The following EPHA7 variants were observed in gnomAD, a reference collection of about 807,000 sequenced individuals.
EPHA7 encodes ephrin type-A receptor 7.
Under a neutral mutation model 112.6 loss-of-function variants are expected in EPHA7, and 25 were observed. The ratio of observed to expected loss-of-function variants is 0.22; its 90% CI spans 0.16 to 0.31. The LOEUF is 0.31. EPHA7 is among the 10% of genes least tolerant of loss of function. The pLI is 1.00. For missense variants in EPHA7, 962 were observed against 1,212.6 expected, an observed-to-expected ratio of 0.79 and a Z score of 3.07; for synonymous variants, 437 against 406.5, an observed-to-expected ratio of 1.07 and a Z score of -0.90.
intron 5 of EPHA7, among the ~76,000 whole-genome samples, chr6:93,282,300 C>T (rs1771783469): frequency 1.3e-5 from 2 of 152,218 alleles, no homozygotes; most frequent in African/African-American, 4.8e-5. Flanking sequence ...ATAAAACTTC[C>T]ATTACGGAAC....
At chr6:93,343,127 TATACTTTTTAA>T (rs1273736368) in intron 5 of EPHA7, among the ~76,000 whole-genome samples, 1 of 151,712 alleles carries the variant, frequency 6.6e-6, no homozygotes, top group Non-Finnish European at 1.5e-5. Flanking sequence ...TCCAAAACTT[TATACTTTTTAA>T]TTTAAACTTG....
intron 7 of EPHA7, 113 bp from the exon 8 acceptor site, chr6:93,264,815 G>T: frequency 4.1e-6 from 2 of 482,458 alleles, no homozygotes; most frequent in African/African-American, 2.0e-5. Flanking sequence ...TTAAATAACT[G>T]CATTATATTG....
intron 7 of EPHA7, 68 bp downstream of exon 7, chr6:93,269,409 T>G: frequency 7.4e-7 from 1 of 1,348,148 alleles, no homozygotes; most frequent in Admixed American, 2.3e-5. Context: ...ATCACCTCAA[T>G]ATTGAAAAAA....
intron 3 of EPHA7, among the ~76,000 whole-genome samples, chr6:93,365,961 G>A (rs923309351): frequency 6.6e-6 from 1 of 152,046 alleles, no homozygotes; most frequent in Non-Finnish European, 1.5e-5. Flanking sequence ...GCTTTAAAAA[G>A]TTTCGTTTCT....
At position 93,241,641 on chromosome 6, in the gene EPHA7, G is replaced by A. The variant is rs1283313147; in HGVS notation, c.*1785C>T. On this transcript the variant is annotated 3_prime_UTR_variant, in exon 17 of 17. Coordinates refer to ENST00000369303, the MANE Select transcript of EPHA7 (RefSeq NM_004440.4). Reference sequence around the variant, plus strand: ...ATTTAAAACCAAAAAAAAAGGGTGGGGAGGGGTTTGGGAAGCAATCCATTT... The same window carrying A: ...ATTTAAAACCAAAAAAAAAGGGTGGAGAGGGGTTTGGGAAGCAATCCATTT... 1.8e-5 allele frequency: 4 copies of A among 223,752 alleles called. No individual in the cohort carries two copies. The allele number at this position is 223,752 out of a possible 1,614,324, so 13.9% of individuals were successfully genotyped here. A position where few individuals can be genotyped will look rare whatever the true frequency, so the allele number is the denominator to read the frequency against.
At chr6:93,339,519 T>C (rs1478458117) in intron 5 of EPHA7, among the ~76,000 whole-genome samples, 1 of 151,782 alleles carries the variant, frequency 6.6e-6, no homozygotes, top group African/African-American at 2.4e-5. Flanking sequence ...CTTCATGTAA[T>C]ACTGAGATTA....
At chr6:93,355,165 G>A (rs1283861776) in intron 5 of EPHA7, among the ~76,000 whole-genome samples, 3 of 152,098 alleles carry the variant, frequency 2.0e-5, no homozygotes, top group Non-Finnish European at 4.4e-5. Flanking sequence ...AAATAGGTAA[G>A]TCCAGGTAAT....
intron 5 of EPHA7, among the ~76,000 whole-genome samples, chr6:93,281,883 C>T (rs1439954438): frequency 1.3e-5 from 2 of 151,892 alleles, no homozygotes; most frequent in Non-Finnish European, 2.9e-5. Flanking sequence ...TGTACAATAA[C>T]TGTATTTCCT....
intron 5 of EPHA7, among the ~76,000 whole-genome samples, chr6:93,292,069 A>G (rs1233262456): frequency 6.6e-6 from 1 of 152,114 alleles, no homozygotes; most frequent in Admixed American, 6.5e-5. Flanking sequence ...TCTCATAAGC[A>G]TATATAGTTA....
At chr6:93,333,853 T>C (rs1387289883) in intron 5 of EPHA7, among the ~76,000 whole-genome samples, 1 of 151,982 alleles carries the variant, frequency 6.6e-6, no homozygotes, top group African/African-American at 2.4e-5. Context: ...ATCAATATTG[T>C]TAAAATGGCC....
chr6:93,263,575 G>T (rs1415550875), intron 9 of EPHA7, among the ~76,000 whole-genome samples: 1 of 151,356 alleles, frequency 6.6e-6, no homozygotes, highest in Non-Finnish European at 1.5e-5. Context: ...TTATTATTAG[G>T]ATGGTAAGAA....
intron 5 of EPHA7, among the ~76,000 whole-genome samples, chr6:93,320,351 A>T (rs1342195667): frequency 2.6e-5 from 4 of 152,040 alleles, no homozygotes; most frequent in Non-Finnish European, 5.9e-5. Context: ...TCGAATAAAG[A>T]TTCAGTATAT....
chr6:93,290,498 T>C (rs1227094315), intron 5 of EPHA7, among the ~76,000 whole-genome samples: 2 of 152,138 alleles, frequency 1.3e-5, no homozygotes, highest in African/African-American at 2.4e-5. Context: ...TCTTAGCAAT[T>C]TGCCAGGTCT....
intron 5 of EPHA7, among the ~76,000 whole-genome samples, chr6:93,317,927 A>C (rs1392824042): frequency 6.6e-6 from 1 of 152,208 alleles, no homozygotes; most frequent in East Asian, 1.9e-4. Context: ...TCAGCCATCC[A>C]GTAATCATAA....
chr6:93,259,185 C>G (rs1488200232), intron 10 of EPHA7, among the ~76,000 whole-genome samples, 169 bp downstream of exon 10: 1 of 152,004 alleles, frequency 6.6e-6, no homozygotes, highest in African/African-American at 2.4e-5. Context: ...TAGTTTTTCA[C>G]ATTTTTTCAT....
intron 5 of EPHA7, among the ~76,000 whole-genome samples, chr6:93,296,660 T>C (rs1341906516): frequency 6.6e-6 from 1 of 151,020 alleles, no homozygotes; most frequent in African/African-American, 2.4e-5. Flanking sequence ...TAAACAGAGA[T>C]AGAGAATAAA....
chr6:93,313,522 T>C (rs1773644825), intron 5 of EPHA7, among the ~76,000 whole-genome samples: 2 of 151,954 alleles, frequency 1.3e-5, no homozygotes, highest in South Asian at 4.1e-4. Context: ...AGAATCTCAT[T>C]CATATAGCAA....
intron 1 of EPHA7, among the ~76,000 whole-genome samples, chr6:93,416,132 A>T (rs535009495): frequency 1.3e-4 from 20 of 152,174 alleles, no homozygotes; most frequent in African/African-American, 4.8e-4. Flanking sequence ...CTCCCTTTCA[A>T]ATGAGAAACA....
chr6:93,347,170 T>C (rs1230732961), intron 5 of EPHA7, among the ~76,000 whole-genome samples: 3 of 151,868 alleles, frequency 2.0e-5, no homozygotes, highest in Non-Finnish European at 2.9e-5. Flanking sequence ...TACTGACTTC[T>C]TAATCTTGTA....
Sources: allele counts gnomAD v4.1 joint callset (sites outside exome capture counted in the v4.1 genomes callset), GRCh38; gene constraint gnomAD v4.1.1; transcripts MANE v1.5; gene names NCBI Gene and HGNC (gene_info 2026-07-23, HGNC 2026-07-21).